Variants in ARID5A observed in about 807,000 individuals in gnomAD.
ARID5A encodes AT-rich interactive domain-containing protein 5A.
ARID5A carries 14 observed loss-of-function variants against 30.5 expected under a neutral mutation model. The ratio of observed to expected loss-of-function variants is 0.46; its 90% CI spans 0.30 to 0.72. ARID5A has a LOEUF of 0.72. Ranked by LOEUF, ARID5A falls within the 30% of genes least tolerant of loss-of-function variation. The probability of loss-of-function intolerance (pLI) is 0.07; values close to 1 mark genes in which losing one functional copy is unlikely to be tolerated. For missense variants in ARID5A, 669 were observed against 786.2 expected (o/e 0.85, Z 1.78); for synonymous variants, 338 against 340.4 (o/e 0.99, Z 0.08).
intron 1 of ARID5A, among the ~76,000 whole-genome samples, chr2:96,546,817 A>G (rs1558617210): frequency 1.3e-5 from 2 of 152,232 alleles, no homozygotes; most frequent in Non-Finnish European, 2.9e-5. Flanking sequence ...ACTACTACCC[A>G]GGGACCCCTG....
rs1177775331 is a variant in ARID5A, at chr2:96,550,755, G to A, written c.570+22G>A. 1.3e-6 allele frequency: 2 copies of A among 1,537,410 alleles called. No homozygotes were observed. Among genetic ancestry groups the A allele is most frequent in the East Asian group, 2.4e-5 (1 of 41,260 alleles). On this transcript the variant is annotated intron_variant, in intron 6 of 6. Transcript: ENST00000357485. This position sits in a 1 kb window ranked among gnomAD's most constrained non-coding sequence, Gnocchi z 6.6. ...CCAGGTAGGCCTGCGGCTGGCTGGG[G>A]CCACCCTGTCCCTTGCCTCTTGTAG...
rs1218080752 is a variant in ARID5A, at chr2:96,549,913, C to T, written c.312+108C>T. ...GAAGAGCCAGGATCCCCAGTCCTAC[C>T]CCTGCGTCCCTGCCTCCCTGCCTTC... On this transcript the variant is annotated intron_variant, in intron 4 of 6. Coordinates refer to ENST00000357485, the MANE Select transcript of ARID5A (RefSeq NM_212481.3). The surrounding 1 kb of genome is among the most constrained non-coding windows in gnomAD (Gnocchi z 6.1). The T allele has an allele frequency of 2.6e-6, 4 of 1,531,066 alleles. No homozygotes were observed. The highest frequency in any genetic ancestry group is 1.4e-5 in the African/African-American group (1 of 72,972). 94.8% of individuals were successfully genotyped at this position (1,531,066 alleles called of 1,614,324 possible). A position where few individuals can be genotyped will look rare whatever the true frequency, so the allele number is the denominator to read the frequency against.
chr2:96,541,118 A>G (rs1573184493), intron 1 of ARID5A, among the ~76,000 whole-genome samples: 1 of 149,492 alleles, frequency 6.7e-6, no homozygotes, highest in Non-Finnish European at 1.5e-5. Flanking sequence ...GCTCACTGCA[A>G]CCTCCACCTC....
chr2:96,545,150 C>CT (rs2065905954), intron 1 of ARID5A, among the ~76,000 whole-genome samples: 2 of 135,366 alleles, frequency 1.5e-5, no homozygotes, highest in Non-Finnish European at 1.6e-5. Context: ...TTTTCTTTTT[C>CT]TTTTTCTTTT....
At position 96,551,220 on chromosome 2, in the gene ARID5A, G is replaced by A; in HGVS notation, c.692G>A (p.Gly231Asp). 6 of 1,614,006 alleles carry A rather than the reference G, an allele frequency of 3.7e-6. No homozygotes were observed. The highest frequency in any genetic ancestry group is 5.1e-6 in the Non-Finnish European group (6 of 1,180,016). The change falls in exon 7 of 7, where the codon GGT (glycine) becomes GAT (aspartate). Residue 231 changes from glycine (G) to aspartate (D), a missense_variant. Transcript: ENST00000357485. ...LASGSSVSFV[G>D]ASGCPEAYKR... ...TCTGGGTCTTCTGTGTCCTTTGTGGGTGCCAGCGGCTGTCCTGAGGCCTAC... is the reference window on the plus strand; with the variant it reads ...TCTGGGTCTTCTGTGTCCTTTGTGGATGCCAGCGGCTGTCCTGAGGCCTAC...
chr2:96,541,264 T>TTGACCTCA (rs2065841115), intron 1 of ARID5A, among the ~76,000 whole-genome samples: 1 of 152,096 alleles, frequency 6.6e-6, no homozygotes, highest in Non-Finnish European at 1.5e-5. Flanking sequence ...TCTCGATCTC[T>TTGACCTCA]TGACCTCATG....
At chr2:96,551,052 G>C in intron 6 of ARID5A, 47 bp from the exon 7 acceptor site, 1 of 1,565,366 alleles carries the variant, frequency 6.4e-7, no homozygotes, top group Non-Finnish European at 8.7e-7. Flanking sequence ...CTCAGGTCAG[G>C]ATGTGGGGCT....
At position 96,550,511 on chromosome 2, in the gene ARID5A, T is replaced by A; in HGVS notation, c.411-63T>A. On this transcript the variant is annotated intron_variant, in intron 5 of 6. Transcript: ENST00000357485. This position sits in a 1 kb window ranked among gnomAD's most constrained non-coding sequence, Gnocchi z 6.6. ...GCGGGGAAGGGGGCTCAGAGGAGGC[T>A]ACAGAGGCCCAGGGAGGGGATGGGC... The A allele has an allele frequency of 6.6e-7, 1 of 1,523,332 alleles. No individual in the cohort carries two copies. Among genetic ancestry groups the A allele is most frequent in the Non-Finnish European group, 8.8e-7 (1 of 1,132,714 alleles). The allele number at this position is 1,523,332 out of a possible 1,614,324, so 94.4% of individuals were successfully genotyped here.
chr2:96,538,207 ACACGAAAC>A, intron 1 of ARID5A: 1 of 985,428 alleles, frequency 1.0e-6, no homozygotes, highest in Non-Finnish European at 1.2e-6. Flanking sequence ...AAATGGGAAC[ACACGAAAC>A]CATCTGAGGA....
In ARID5A at chr2:96,551,901, G is replaced by A; in HGVS notation, c.1373G>A (p.Arg458Lys). 6.5e-7 allele frequency: 1 copy of A among 1,545,710 alleles called. No homozygotes were observed. Among genetic ancestry groups the A allele is most frequent in the East Asian group, 2.3e-5 (1 of 44,140 alleles). ...GAGGGTGCTGCCCACAGTGGGAAGAGACTGCGGGCCGTGTCTCCCTTTCTT... is the reference window on the plus strand; with the variant it reads ...GAGGGTGCTGCCCACAGTGGGAAGAAACTGCGGGCCGTGTCTCCCTTTCTT... ...EEEGAAHSGK[R>K]LRAVSPFLKE... The change falls in exon 7 of 7, where the codon AGA becomes AAA. Residue 458 changes from arginine (R) to lysine (K), a missense_variant. This residue lies in a region of ARID5A where 548 missense variants were observed against 577.4 expected (regional missense o/e 0.95). Coordinates refer to ENST00000357485, the MANE Select transcript of ARID5A (RefSeq NM_212481.3).
At chr2:96,545,963 AAAAG>A (rs1182723582) in intron 1 of ARID5A, among the ~76,000 whole-genome samples, 2 of 152,246 alleles carry the variant, frequency 1.3e-5, no homozygotes, top group Middle Eastern at 3.4e-3. Context: ...CAAAAAAAAA[AAAAG>A]AGTTAATGGA....
chr2:96,551,552 G>A lies in ARID5A; in HGVS notation c.1024G>A (p.Gly342Ser), dbSNP rs771560457. 1.2e-6 allele frequency: 2 copies of A among 1,607,402 alleles called. No homozygotes were observed. Among genetic ancestry groups the A allele is most frequent in the Admixed American group, 1.7e-5 (1 of 59,152 alleles). ...CTGCCCGGCAGCCCCCATCTTCAAG[G>A]GCTGCTTCTACACCCACCCCACCGA... ...GPCPAAPIFK[G>S]CFYTHPTEVL... Residue 342 changes from glycine to serine, a missense_variant, in exon 7 of 7, where the codon GGC (glycine) becomes AGC (serine). By Grantham distance (56) the Gly-to-Ser change is moderately conservative. This residue lies in a region of ARID5A where 548 missense variants were observed against 577.4 expected (regional missense o/e 0.95). Transcript: ENST00000357485.
rs1170841961 is a variant in ARID5A, at chr2:96,539,449, A to G, written c.4+2619A>G. 6.6e-6 allele frequency among the ~76,000 whole-genome samples: 1 copy of G among 151,978 alleles called. No individual in the cohort carries two copies. Among genetic ancestry groups the G allele is most frequent in the African/African-American group, 2.4e-5 (1 of 41,352 alleles). Reference sequence around the variant, plus strand: ...AGTTTGTCTTCAGTGACTCTCAACCACCGCCCGACTGCCTTCACCTTCCTG... The same window carrying G: ...AGTTTGTCTTCAGTGACTCTCAACCGCCGCCCGACTGCCTTCACCTTCCTG... On this transcript the variant is annotated intron_variant, in intron 1 of 6. Transcript: ENST00000357485. The surrounding 1 kb of genome is among the most constrained non-coding windows in gnomAD (Gnocchi z 4.7).
chr2:96,544,956 C>A (rs544048867), intron 1 of ARID5A, among the ~76,000 whole-genome samples: 1 of 152,180 alleles, frequency 6.6e-6, no homozygotes, highest in East Asian at 1.9e-4. Flanking sequence ...GGCTTCAAGA[C>A]TTCAGTGGAG....
intron 1 of ARID5A, among the ~76,000 whole-genome samples, chr2:96,541,475 G>A (rs143872088): frequency 1.3e-5 from 2 of 152,218 alleles, no homozygotes; most frequent in African/African-American, 2.4e-5. Flanking sequence ...CACTGTGGAT[G>A]AGACAGAATA....
At chr2:96,541,287 C>T (rs779830846) in intron 1 of ARID5A, among the ~76,000 whole-genome samples, 8 of 151,038 alleles carry the variant, frequency 5.3e-5, no homozygotes, top group African/African-American at 1.5e-4. Flanking sequence ...CTGCCCGCCT[C>T]GGCCTCCCAA....
intron 1 of ARID5A, among the ~76,000 whole-genome samples, chr2:96,546,894 CTG>C (rs1212798246): frequency 2.6e-5 from 4 of 152,346 alleles, no homozygotes; most frequent in African/African-American, 7.2e-5. Flanking sequence ...CTTCTCAACT[CTG>C]TGTCTGAGCA....
At position 96,537,170 on chromosome 2, in the gene ARID5A, C is replaced by T. The variant is rs1438325483; in HGVS notation, c.4+340C>T. On this transcript the variant is annotated intron_variant, in intron 1 of 6. Coordinates refer to ENST00000357485, the MANE Select transcript of ARID5A (RefSeq NM_212481.3). This position sits in a 1 kb window ranked among gnomAD's most constrained non-coding sequence, Gnocchi z 4.8. Reference sequence around the variant, plus strand: ...GAAATATGCCGAGCCCGGTACGGCTCTGTCGTCCCACTTCCTGCTGCGGTT... The same window carrying T: ...GAAATATGCCGAGCCCGGTACGGCTTTGTCGTCCCACTTCCTGCTGCGGTT... Among the ~76,000 whole-genome samples the T allele has an allele frequency of 2.0e-5, 3 of 152,220 alleles. No homozygotes were observed. The highest frequency in any genetic ancestry group is 4.4e-5 in the Non-Finnish European group (3 of 68,028).
At chr2:96,538,463 A>C in intron 1 of ARID5A, 1 of 469,612 alleles carries the variant, frequency 2.1e-6, no homozygotes, top group Non-Finnish European at 2.8e-6. Flanking sequence ...CCCTCCCCCA[A>C]GCTGAGGTAC....
Sources: allele counts gnomAD v4.1 joint callset (sites outside exome capture counted in the v4.1 genomes callset), GRCh38; gene constraint gnomAD v4.1.1; regional missense constraint gnomAD v4.1.1; non-coding constraint Gnocchi (gnomAD v3.1); transcripts MANE v1.5; gene names NCBI Gene and HGNC (gene_info 2026-07-23, HGNC 2026-07-21).